PALS2: variants seen among roughly 807,000 people sequenced by gnomAD.
The protein encoded by PALS2 is protein PALS2.
PALS2 carries 27 observed loss-of-function variants against 61.6 expected under a neutral mutation model. The ratio of observed to expected loss-of-function variants is 0.44; its 90% CI spans 0.32 to 0.60. The LOEUF (loss-of-function observed/expected upper bound fraction) is 0.60, where lower values mean the gene tolerates loss of function less well. Among genes scored for constraint, PALS2 ranks in the 20% least tolerant of loss-of-function variants. PALS2 has a pLI of 0.05. For synonymous variants in PALS2, 236 were observed against 218.6 expected (o/e 1.08, Z -0.70); for missense variants, 554 against 639.4 (o/e 0.87, Z 1.44).
Position 24,693,946 on chromosome 7 carries a change from G to T in PALS2, c.*6332G>T, listed in dbSNP as rs1288277958. The T allele has an allele frequency of 6.6e-6, 1 of 151,860 alleles. No individual in the cohort carries two copies. Among genetic ancestry groups the T allele is most frequent in the African/African-American group, 2.4e-5 (1 of 41,306 alleles). The allele number at this position is 151,860 out of a possible 1,614,324, so 9.4% of individuals were successfully genotyped here. A position where few individuals can be genotyped will look rare whatever the true frequency, so the allele number is the denominator to read the frequency against. ...TGGTAAGTCTTTTATTTGAACACAA[G>T]ACGCATGCTTTTTTAAACCTCTAGT... On this transcript the variant is annotated 3_prime_UTR_variant, in exon 12 of 12. Transcript: ENST00000222644.
intron 11 of PALS2, among the ~76,000 whole-genome samples, chr7:24,685,182 A>G (rs1010283254): frequency 4.6e-5 from 7 of 152,030 alleles, no homozygotes; most frequent in African/African-American, 1.4e-4. Flanking sequence ...CCTCCCACTT[A>G]TAACCCACTA....
chr7:24,595,241 A>G (rs1279962230), intron 1 of PALS2, among the ~76,000 whole-genome samples: 9 of 151,360 alleles, frequency 5.9e-5, no homozygotes, highest in African/African-American at 1.7e-4. Flanking sequence ...AAGATAGGCA[A>G]TACGGGAGGA....
intron 2 of PALS2, among the ~76,000 whole-genome samples, chr7:24,633,363 T>G (rs1785090052): frequency 6.6e-6 from 1 of 150,878 alleles, no homozygotes; most frequent in African/African-American, 2.4e-5. Flanking sequence ...TTTTTTTTTT[T>G]TTTTTTCTTT....
At position 24,687,443 on chromosome 7, in the gene PALS2, T is replaced by C; in HGVS notation, c.1452T>C (p.Ser484=). 6.2e-7 allele frequency: 1 copy of C among 1,607,898 alleles called. No individual in the cohort carries two copies. Among genetic ancestry groups the C allele is most frequent in the South Asian group, 1.1e-5 (1 of 89,504 alleles). ...AGITTKLLTD[S]DLKKTVDESA... Reference sequence around the variant, plus strand: ...CTTTTAAAACTCTTCAACAGGACTCTGACTTGAAGAAAACAGTGGATGAAA... The same window carrying C: ...CTTTTAAAACTCTTCAACAGGACTCCGACTTGAAGAAAACAGTGGATGAAA... Residue 484 remains serine (S), a synonymous_variant, in exon 12 of 12, where the codon TCT becomes TCC. Transcript: ENST00000222644. This position sits in a 1 kb window ranked among gnomAD's most constrained non-coding sequence, Gnocchi z 4.5.
chr7:24,610,422 A>T (rs1237380750), intron 1 of PALS2, among the ~76,000 whole-genome samples: 4 of 152,164 alleles, frequency 2.6e-5, no homozygotes, highest in Admixed American at 2.6e-4. Flanking sequence ...TGGTTTGTCC[A>T]TATATTTTCT....
At chr7:24,630,454 G>T (rs1368098488) in intron 2 of PALS2, among the ~76,000 whole-genome samples, 2 of 151,998 alleles carry the variant, frequency 1.3e-5, no homozygotes, top group Non-Finnish European at 2.9e-5. Flanking sequence ...TGCACGTTCT[G>T]TACATTATCC....
chr7:24,621,551 G>A (rs1784520219), intron 1 of PALS2, among the ~76,000 whole-genome samples: 2 of 151,968 alleles, frequency 1.3e-5, no homozygotes, highest in Admixed American at 6.6e-5. Flanking sequence ...TGTCCAAAAT[G>A]GGTCAGTCAC....
intron 10 of PALS2, 57 bp downstream of exon 10, chr7:24,679,390 CAT>C (rs1787798042): frequency 6.4e-7 from 1 of 1,570,334 alleles, no homozygotes; most frequent in Non-Finnish European, 8.7e-7. Flanking sequence ...GAGTTTTTTT[CAT>C]GTGTGTCGGG....
chr7:24,581,244 C>CGTGTGTGT (rs55768123), intron 1 of PALS2, among the ~76,000 whole-genome samples: 26 of 143,132 alleles, frequency 1.8e-4, no homozygotes, highest in South Asian at 9.6e-4. Context: ...CATTTCCCCA[C>CGTGTGTGT]GTGTGTGTGT....
chr7:24,601,072 G>T (rs1783705368), intron 1 of PALS2, among the ~76,000 whole-genome samples: 1 of 152,086 alleles, frequency 6.6e-6, no homozygotes, highest in Non-Finnish European at 1.5e-5. Context: ...TTGGTATCAT[G>T]TCAGTAAATG....
chr7:24,617,241 A>C (rs545597354), intron 1 of PALS2, among the ~76,000 whole-genome samples: 1 of 152,060 alleles, frequency 6.6e-6, no homozygotes, highest in African/African-American at 2.4e-5. Context: ...CTGTTTTCTA[A>C]TATCTCTCTC....
In PALS2 at chr7:24,618,300, A is replaced by G. The variant is rs112089091; in HGVS notation, c.-2-5366A>G. 3.0e-4 allele frequency among the ~76,000 whole-genome samples: 45 copies of G among 152,202 alleles called. No homozygotes were observed. The highest frequency in any genetic ancestry group is 1.1e-3 in the African/African-American group (44 of 41,510). On this transcript the variant is annotated intron_variant, in intron 1 of 11. Transcript: ENST00000222644. This position sits in a 1 kb window ranked among gnomAD's most constrained non-coding sequence, Gnocchi z 5.1. ...TTGACCAGAAGTGCTGGCAGCAGGG[A>G]TTGGTTTCCTTGCTCTGCAGGACCA...
At chr7:24,626,780 A>G (rs1035118228) in intron 2 of PALS2, among the ~76,000 whole-genome samples, 2 of 152,144 alleles carry the variant, frequency 1.3e-5, no homozygotes, top group African/African-American at 4.8e-5. Context: ...AGACAAGGGC[A>G]TTACATAATG....
At chr7:24,595,009 T>C (rs1783445552) in intron 1 of PALS2, among the ~76,000 whole-genome samples, 1 of 152,026 alleles carries the variant, frequency 6.6e-6, no homozygotes. Context: ...AAAAACAGTA[T>C]CTGTGAAGCA....
At chr7:24,663,504 T>G in intron 5 of PALS2, 86 bp from the exon 6 acceptor site, 1 of 1,289,732 alleles carries the variant, frequency 7.8e-7, no homozygotes, top group South Asian at 1.6e-5. Context: ...CAGTTACAAT[T>G]AAATCAGAGT....
At position 24,690,869 on chromosome 7, in the gene PALS2, G is replaced by T. The variant is rs1160664576; in HGVS notation, c.*3255G>T. 6.6e-6 allele frequency: 1 copy of T among 152,038 alleles called. No homozygotes were observed. The highest frequency in any genetic ancestry group is 1.5e-5 in the Non-Finnish European group (1 of 68,000). 9.4% of individuals were successfully genotyped at this position (152,038 alleles called of 1,614,324 possible). On this transcript the variant is annotated 3_prime_UTR_variant, in exon 12 of 12. Transcript: ENST00000222644. Reference sequence around the variant, plus strand: ...TTAGTAGCCTAAATCCTAGATTCTAGAATCCAATAAATTTATAGTAGTTCT... The same window carrying T: ...TTAGTAGCCTAAATCCTAGATTCTATAATCCAATAAATTTATAGTAGTTCT...
At chr7:24,620,920 T>G (rs930939160) in intron 1 of PALS2, among the ~76,000 whole-genome samples, 16 of 152,136 alleles carry the variant, frequency 1.1e-4, no homozygotes, top group Non-Finnish European at 1.3e-4. Context: ...TATATTATTC[T>G]GTTTTCTTCA....
At chr7:24,586,551 GATCA>G (rs1428150615) in intron 1 of PALS2, among the ~76,000 whole-genome samples, 1 of 152,156 alleles carries the variant, frequency 6.6e-6, no homozygotes, top group East Asian at 1.9e-4. Context: ...GAAGTAAAAT[GATCA>G]ATGTGGTTAG....
At chr7:24,682,112 T>A (rs1162796689) in intron 11 of PALS2, among the ~76,000 whole-genome samples, 1 of 152,120 alleles carries the variant, frequency 6.6e-6, no homozygotes, top group Non-Finnish European at 1.5e-5. Context: ...TTTTTTCAGG[T>A]CTCACTTTTT....
Sources: gnomAD v4.1 joint callset for allele counts (sites outside exome capture counted in the v4.1 genomes callset) on GRCh38, gnomAD v4.1.1 for gene constraint, Gnocchi (gnomAD v3.1) non-coding constraint, MANE v1.5 for transcripts, NCBI Gene and HGNC (gene_info 2026-07-23, HGNC 2026-07-21) for gene names.